Variants in ATP9B observed in about 807,000 individuals in gnomAD.
ATP9B encodes probable phospholipid-transporting ATPase IIB.
Under a neutral mutation model 146.1 loss-of-function variants are expected in ATP9B, and 110 were observed. The observed-to-expected ratio is 0.75, with a 90% CI of 0.65 to 0.88. ATP9B has a LOEUF of 0.88. ATP9B is among the 40% of genes least tolerant of loss of function. ATP9B has a pLI of 0.00. For synonymous variants in ATP9B, 604 were observed against 569.7 expected, an observed-to-expected ratio of 1.06 and a Z score of -0.86; for missense variants, 1,499 against 1,496.4, an observed-to-expected ratio of 1.00 and a Z score of -0.03.
At chr18:79,341,861 A>T (rs544368151) in intron 19 of ATP9B, among the ~76,000 whole-genome samples, 1 of 152,190 alleles carries the variant, frequency 6.6e-6, no homozygotes, top group African/African-American at 2.4e-5. Context: ...CATCACCACC[A>T]CCCCTTCCAG....
At chr18:79,170,270 G>C (rs554708389) in intron 7 of ATP9B, among the ~76,000 whole-genome samples, 1 of 152,342 alleles carries the variant, frequency 6.6e-6, no homozygotes, top group African/African-American at 2.4e-5. Context: ...GATTCTGAAT[G>C]AAATTGATGA....
intron 26 of ATP9B, among the ~76,000 whole-genome samples, chr18:79,368,468 C>T (rs80181510): frequency 0.038 from 5,734 of 152,310 alleles, 147 homozygotes; most frequent in South Asian, 0.086. Flanking sequence ...CCCATGTCTG[C>T]GCCTGGCCCT....
chr18:79,200,623 T>C (rs2095460682), intron 9 of ATP9B, among the ~76,000 whole-genome samples: 2 of 5,420 alleles, frequency 3.7e-4, no homozygotes, highest in African/African-American at 1.9e-3. Flanking sequence ...TAAGAAATTA[T>C]AATAAAGGTT....
intron 13 of ATP9B, among the ~76,000 whole-genome samples, chr18:79,298,785 A>G (rs2096570297): frequency 6.8e-6 from 1 of 146,314 alleles, no homozygotes; most frequent in South Asian, 2.2e-4. Context: ...GGAACAGAAC[A>G]TCAGTATGAG....
At chr18:79,110,770 ATTAT>A (rs1317114383) in intron 3 of ATP9B, among the ~76,000 whole-genome samples, 1 of 152,252 alleles carries the variant, frequency 6.6e-6, no homozygotes, top group Non-Finnish European at 1.5e-5. Context: ...TCATATTTAT[ATTAT>A]TTTAGAAATA....
intron 26 of ATP9B, among the ~76,000 whole-genome samples, chr18:79,371,490 T>G (rs1478338116): frequency 6.6e-6 from 1 of 151,926 alleles, no homozygotes; most frequent in Non-Finnish European, 1.5e-5. Context: ...CTTCACACAC[T>G]GACTCTTGCA....
At chr18:79,326,705 G>A (rs868354947) in intron 15 of ATP9B, among the ~76,000 whole-genome samples, 5 of 152,344 alleles carry the variant, frequency 3.3e-5, no homozygotes, top group Middle Eastern at 3.4e-3. Context: ...CCAGACACTG[G>A]AAAATCATGC....
At chr18:79,119,244 C>T (rs1393915647) in intron 4 of ATP9B, among the ~76,000 whole-genome samples, 1 of 152,062 alleles carries the variant, frequency 6.6e-6, no homozygotes, top group Admixed American at 6.6e-5. Flanking sequence ...AGAAAATGTC[C>T]TTTTGATGGT....
At chr18:79,365,106 T>C (rs1361633742) in intron 26 of ATP9B, among the ~76,000 whole-genome samples, 4 of 152,196 alleles carry the variant, frequency 2.6e-5, no homozygotes, top group Non-Finnish European at 4.4e-5. Flanking sequence ...AATATTTGCA[T>C]GTCACACTTT....
chr18:79,123,531 CTTTATG>C (rs1052875538), intron 4 of ATP9B, among the ~76,000 whole-genome samples: 1 of 147,460 alleles, frequency 6.8e-6, no homozygotes, highest in Non-Finnish European at 1.5e-5. Flanking sequence ...TTTTTTTTTT[CTTTATG>C]TTTTTAAATG....
At chr18:79,071,248 A>G (rs1436082626) in intron 1 of ATP9B, among the ~76,000 whole-genome samples, 1 of 151,650 alleles carries the variant, frequency 6.6e-6, no homozygotes, top group Non-Finnish European at 1.5e-5. Context: ...TCTTTCACTT[A>G]GGTCCTCACT....
intron 26 of ATP9B, among the ~76,000 whole-genome samples, chr18:79,371,051 T>C (rs1379667938): frequency 6.6e-6 from 1 of 152,212 alleles, no homozygotes; most frequent in East Asian, 1.9e-4. Flanking sequence ...ATAAATGGTT[T>C]AACTTCAAAG....
At chr18:79,374,683 G>A (rs1405540598) in intron 28 of ATP9B, among the ~76,000 whole-genome samples, 1 of 152,246 alleles carries the variant, frequency 6.6e-6, no homozygotes, top group Non-Finnish European at 1.5e-5. Context: ...TCCATGCAGT[G>A]GTGAACCTGT....
At chr18:79,322,845 T>C (rs1393603451) in intron 15 of ATP9B, among the ~76,000 whole-genome samples, 5 of 152,232 alleles carry the variant, frequency 3.3e-5, no homozygotes, top group African/African-American at 7.2e-5. Context: ...GTTCTCAACA[T>C]GCAGCAAAGT....
chr18:79,321,506 C>G (rs771244417), intron 15 of ATP9B, among the ~76,000 whole-genome samples: 8 of 152,138 alleles, frequency 5.3e-5, no homozygotes, highest in Non-Finnish European at 1.0e-4. Context: ...CCTCAGCCCC[C>G]CAAATAGCTG....
intron 29 of ATP9B, chr18:79,376,133 G>T: frequency 3.1e-6 from 3 of 975,720 alleles, no homozygotes; most frequent in Non-Finnish European, 3.6e-6. Flanking sequence ...GCTGCCCTCT[G>T]TTGCCCCCAG....
chr18:79,077,718 T>A (rs1424435012), intron 1 of ATP9B, among the ~76,000 whole-genome samples: 1 of 151,716 alleles, frequency 6.6e-6, no homozygotes, highest in East Asian at 1.9e-4. Flanking sequence ...AAACAAGAGG[T>A]TCACAGCAAC....
At chr18:79,101,627 G>A (rs1380967053) in intron 2 of ATP9B, among the ~76,000 whole-genome samples, 1 of 151,408 alleles carries the variant, frequency 6.6e-6, no homozygotes, top group Non-Finnish European at 1.5e-5. Context: ...TCCCAGAGTT[G>A]CTGTACCATT....
Position 79,336,712 on chromosome 18 carries a change from G to T in ATP9B, c.2112+1G>T, listed in dbSNP as rs2096829134. The T allele has an allele frequency of 3.1e-6, 5 of 1,613,868 alleles. No individual in the cohort carries two copies. Among genetic ancestry groups the T allele is most frequent in the Non-Finnish European group, 4.2e-6 (5 of 1,179,926 alleles). On this transcript the variant is annotated splice_donor_variant, in intron 18 of 29. Coordinates refer to ENST00000426216, the MANE Select transcript of ATP9B (RefSeq NM_198531.5). LOFTEE classifies it high-confidence loss of function. ...AGAGGAGCAGTACCAGGACTTTGAG[G>T]TGAGCCGACTCCCAGCCATCCCATC...
Sources: gnomAD v4.1 joint callset for allele counts (sites outside exome capture counted in the v4.1 genomes callset) on GRCh38, gnomAD v4.1.1 for gene constraint, MANE v1.5 for transcripts, NCBI Gene and HGNC (gene_info 2026-07-23, HGNC 2026-07-21) for gene names.